ETS1: variants seen among roughly 807,000 people sequenced by gnomAD.
ETS1 encodes the protein ETS proto-oncogene 1, transcription factor.
A neutral mutation model predicts 58.6 loss-of-function variants in ETS1; 15 were observed. The observed-to-expected ratio is 0.26, with a 90% CI of 0.17 to 0.39. The LOEUF (loss-of-function observed/expected upper bound fraction) is 0.39. Among genes scored for constraint, ETS1 ranks in the 10% least tolerant of loss-of-function variants. The pLI, the probability that ETS1 is intolerant of heterozygous loss-of-function variation, is 1.00. For synonymous variants in ETS1, 214 were observed against 218.2 expected (o/e 0.98, Z 0.17); for missense variants, 417 against 610.5 (o/e 0.68, Z 3.34).
intron 8 of ETS1, among the ~76,000 whole-genome samples, chr11:128,466,199 T>C (rs1215930919): frequency 1.3e-5 from 2 of 152,256 alleles, no homozygotes; most frequent in Non-Finnish European, 2.9e-5. Flanking sequence ...CATCCTCTTG[T>C]GGTAGCCATT....
At chr11:128,576,359 T>C (rs546687809) in intron 1 of ETS1, among the ~76,000 whole-genome samples, 1 of 152,338 alleles carries the variant, frequency 6.6e-6, no homozygotes, top group African/African-American at 2.4e-5. Flanking sequence ...CGTTTGTTTT[T>C]TCTTTTCTTT....
At chr11:128,514,632 T>C (rs577697305) in intron 3 of ETS1, among the ~76,000 whole-genome samples, 82 of 152,304 alleles carry the variant, frequency 5.4e-4, no homozygotes, top group Admixed American at 4.1e-3. Flanking sequence ...GATCCACACA[T>C]ATTTTCATAA....
At chr11:128,522,350 C>T (rs1020423427) in intron 3 of ETS1, 1 of 1,014,788 alleles carries the variant, frequency 9.9e-7, no homozygotes, top group African/African-American at 1.7e-5. Flanking sequence ...CGCGCTCTCC[C>T]CTCCTCTTTA....
chr11:128,522,428 T>A (rs1279745843), intron 3 of ETS1: 10 of 854,730 alleles, frequency 1.2e-5, no homozygotes, highest in South Asian at 5.3e-5. Context: ...GATGTCCGCT[T>A]GGGGGAGCGA....
intron 1 of ETS1, among the ~76,000 whole-genome samples, chr11:128,576,892 A>G (rs1864762186): frequency 1.3e-5 from 2 of 152,240 alleles, no homozygotes; most frequent in Non-Finnish European, 2.9e-5. Flanking sequence ...CTCAGAGGTT[A>G]TTGCAGCCTG....
At position 128,482,961 on chromosome 11, in the gene ETS1, T is replaced by C. The variant is rs552099729; in HGVS notation, c.862+1862A>G. 3.5e-4 allele frequency among the ~76,000 whole-genome samples: 54 copies of C among 152,340 alleles called. 1 individual carries two copies. The highest frequency in any genetic ancestry group is 1.2e-3 in the African/African-American group (50 of 41,572). ...GGGCATAGAAGCACTCTGTACGCTGTAATGCAGCCCGTGAATACTGTACTA... is the reference window on the plus strand; with the variant it reads ...GGGCATAGAAGCACTCTGTACGCTGCAATGCAGCCCGTGAATACTGTACTA... On this transcript the variant is annotated intron_variant, in intron 7 of 9. Coordinates refer to ENST00000392668, the MANE Select transcript of ETS1 (RefSeq NM_001143820.2).
At chr11:128,529,866 A>T (rs114270782) in intron 3 of ETS1, among the ~76,000 whole-genome samples, 1 of 152,170 alleles carries the variant, frequency 6.6e-6, no homozygotes, top group African/African-American at 2.4e-5. Context: ...AGCTTCACCA[A>T]TGCTAACTCT....
chr11:128,532,529 TGTTTA>T, intron 3 of ETS1, among the ~76,000 whole-genome samples: 1 of 152,192 alleles, frequency 6.6e-6, no homozygotes, highest in South Asian at 2.1e-4. Flanking sequence ...TTTCTGGGGG[TGTTTA>T]GTTAAGTCAC....
chr11:128,498,215 T>G (rs1206729502), intron 3 of ETS1, among the ~76,000 whole-genome samples: 1 of 152,112 alleles, frequency 6.6e-6, no homozygotes, highest in East Asian at 1.9e-4. Context: ...ATTGGCTACT[T>G]GATTATACTG....
chr11:128,473,831 G>C (rs548705366), intron 8 of ETS1, among the ~76,000 whole-genome samples: 3 of 152,064 alleles, frequency 2.0e-5, no homozygotes, highest in African/African-American at 4.8e-5. Flanking sequence ...GGGGGCAAAG[G>C]CAGGGTCATC....
chr11:128,566,282 C>T (rs897931479), intron 2 of ETS1, among the ~76,000 whole-genome samples: 31 of 152,052 alleles, frequency 2.0e-4, no homozygotes, highest in African/African-American at 7.2e-4. Flanking sequence ...CTAACACAAT[C>T]AAAAAGTGAA....
At chr11:128,550,831 G>C (rs1864217784) in intron 3 of ETS1, among the ~76,000 whole-genome samples, 1 of 152,214 alleles carries the variant, frequency 6.6e-6, no homozygotes, top group Non-Finnish European at 1.5e-5. Flanking sequence ...CTAGAAAATA[G>C]TTGGGCATTA....
At chr11:128,563,112 C>T (rs778005964) in intron 2 of ETS1, among the ~76,000 whole-genome samples, 6 of 152,162 alleles carry the variant, frequency 3.9e-5, no homozygotes, top group Non-Finnish European at 8.8e-5. Context: ...CGATGAGTAA[C>T]TCCCTAGTTG....
In ETS1 at chr11:128,548,137, G is replaced by A. The variant is rs4992142; in HGVS notation, c.214+8154C>T. Among the ~76,000 whole-genome samples the A allele has an allele frequency of 5.3e-3, 81 of 15,302 alleles. 1 individual carries two copies. Among genetic ancestry groups the A allele is most frequent in the East Asian group, 9.8e-3 (5 of 510 alleles). The allele number at this position is 15,302 out of a possible 152,430, so 10.0% of individuals were successfully genotyped here. ...GAAGGAAAGGAAAGGAAAGGAAAGG[G>A]AAGGGAAGGGAAGGGAAGGAAAGGA... is the stretch of plus-strand genomic sequence containing the variant. On this transcript the variant is annotated intron_variant, in intron 3 of 9. Transcript: ENST00000392668.
intron 8 of ETS1, among the ~76,000 whole-genome samples, chr11:128,468,196 C>T (rs1862089440): frequency 6.6e-6 from 1 of 152,190 alleles, no homozygotes; most frequent in Non-Finnish European, 1.5e-5. Flanking sequence ...TCTAAGGCAA[C>T]AATCTCACTT....
intron 8 of ETS1, among the ~76,000 whole-genome samples, chr11:128,478,921 T>C (rs186190848): frequency 1.3e-5 from 2 of 152,332 alleles, no homozygotes; most frequent in African/African-American, 4.8e-5. Flanking sequence ...CACCAGGGTA[T>C]TGTAGAAAGA....
chr11:128,473,745 G>C (rs1240421747), intron 8 of ETS1, among the ~76,000 whole-genome samples: 2 of 152,206 alleles, frequency 1.3e-5, no homozygotes, highest in African/African-American at 4.8e-5. Flanking sequence ...TCTCTTGAAT[G>C]AGCCTCTACA....
At chr11:128,470,113 G>A (rs1362635130) in intron 8 of ETS1, among the ~76,000 whole-genome samples, 2 of 152,200 alleles carry the variant, frequency 1.3e-5, no homozygotes, top group Non-Finnish European at 2.9e-5. Flanking sequence ...TGTATTTGTT[G>A]CTGAGATAGC....
intron 3 of ETS1, among the ~76,000 whole-genome samples, chr11:128,507,525 C>T (rs139836641): frequency 1.3e-5 from 2 of 152,280 alleles, no homozygotes; most frequent in East Asian, 1.9e-4. Context: ...TGTTTAAAGA[C>T]GCAGGATCCC....
Sources: gnomAD v4.1 joint callset for allele counts (sites outside exome capture counted in the v4.1 genomes callset) on GRCh38, gnomAD v4.1.1 for gene constraint, MANE v1.5 for transcripts, NCBI Gene and HGNC (gene_info 2026-07-23, HGNC 2026-07-21) for gene names.